The following DRC11 variants were observed in gnomAD, a reference collection of about 807,000 sequenced individuals.
The protein encoded by DRC11 is dynein regulatory complex subunit 11.
the DRC11 span, among the ~76,000 whole-genome samples, chr2:236,454,292 G>C: frequency 6.6e-6 from 1 of 152,174 alleles, no homozygotes; most frequent in Non-Finnish European, 1.5e-5. The surrounding 1 kb of genome is among the most constrained non-coding windows in gnomAD (Gnocchi z 5.3). Flanking sequence ...TTGATTTACT[G>C]TGACGACCGA....
the DRC11 span, among the ~76,000 whole-genome samples, chr2:236,389,522 C>G: frequency 2.6e-5 from 4 of 152,194 alleles, no homozygotes; most frequent in African/African-American, 4.8e-5. Flanking sequence ...TGCTTCGGCT[C>G]GCGACCGGTG....
At chr2:236,313,736 C>T in the DRC11 span, among the ~76,000 whole-genome samples, 2,574 of 152,198 alleles carry the variant, frequency 0.017, 123 homozygotes, top group East Asian at 0.18. This position sits in a 1 kb window ranked among gnomAD's most constrained non-coding sequence, Gnocchi z 4.5. Flanking sequence ...AATAAAAAGC[C>T]GTGAACCTTT....
At chr2:236,355,107 G>C in the DRC11 span, among the ~76,000 whole-genome samples, 1 of 152,224 alleles carries the variant, frequency 6.6e-6, no homozygotes, top group Non-Finnish European at 1.5e-5. Flanking sequence ...TGTCTGGTTT[G>C]ACGTGGCCTC....
chr2:236,491,354 G>A, the DRC11 span, among the ~76,000 whole-genome samples: 1 of 149,204 alleles, frequency 6.7e-6, no homozygotes, highest in Non-Finnish European at 1.5e-5. Flanking sequence ...GGAAGTCCTT[G>A]TGGTTTTCTG....
the DRC11 span, among the ~76,000 whole-genome samples, chr2:236,410,583 G>A: frequency 2.7e-5 from 4 of 150,198 alleles, no homozygotes; most frequent in Non-Finnish European, 5.9e-5. Flanking sequence ...AGCCCGCATC[G>A]CCAAGTCAAT....
At chr2:236,321,370 C>T in the DRC11 span, among the ~76,000 whole-genome samples, 1 of 152,104 alleles carries the variant, frequency 6.6e-6, no homozygotes, top group Non-Finnish European at 1.5e-5. Flanking sequence ...ATTCAATTTA[C>T]AGAATTAAGC....
the DRC11 span, among the ~76,000 whole-genome samples, chr2:236,490,574 C>A: frequency 1.3e-5 from 2 of 152,156 alleles, no homozygotes; most frequent in African/African-American, 4.8e-5. This position sits in a 1 kb window ranked among gnomAD's most constrained non-coding sequence, Gnocchi z 5.5. Flanking sequence ...CAGTACCCAG[C>A]AAACATGAGT....
chr2:236,327,075 C>G, the DRC11 span, among the ~76,000 whole-genome samples: 1 of 152,084 alleles, frequency 6.6e-6, no homozygotes, highest in African/African-American at 2.4e-5. Flanking sequence ...TCTCCTTATT[C>G]TTTCCTCCAT....
the DRC11 span, among the ~76,000 whole-genome samples, chr2:236,378,475 C>T: frequency 6.6e-6 from 1 of 151,912 alleles, no homozygotes; most frequent in African/African-American, 2.4e-5. Context: ...GGAGTTCAAG[C>T]CAGGCTGGCC....
the DRC11 span, among the ~76,000 whole-genome samples, chr2:236,474,128 C>T: frequency 6.6e-6 from 1 of 151,946 alleles, no homozygotes; most frequent in Non-Finnish European, 1.5e-5. Context: ...GAACAGAAGA[C>T]AACATTCTTT....
At chr2:236,433,008 C>T in the DRC11 span, among the ~76,000 whole-genome samples, 1 of 151,964 alleles carries the variant, frequency 6.6e-6, no homozygotes, top group African/African-American at 2.4e-5. Context: ...CTTCTTATAC[C>T]ATTTATTTCC....
At chr2:236,344,582 T>C in the DRC11 span, 5 of 1,613,712 alleles carry the variant, frequency 3.1e-6, no homozygotes, top group Admixed American at 3.3e-5. Flanking sequence ...GGGAACTTTT[T>C]TGTAGAAGGT....
At chr2:236,501,970 C>T in the DRC11 span, among the ~76,000 whole-genome samples, 1 of 152,148 alleles carries the variant, frequency 6.6e-6, no homozygotes, top group African/African-American at 2.4e-5. Flanking sequence ...CAGACAGCAA[C>T]AGTCCAGCAA....
the DRC11 span, among the ~76,000 whole-genome samples, chr2:236,326,401 T>G: frequency 2.0e-5 from 3 of 152,196 alleles, no homozygotes; most frequent in African/African-American, 7.2e-5. Flanking sequence ...TACCTTCTTG[T>G]TTTTTTGTGC....
the DRC11 span, among the ~76,000 whole-genome samples, chr2:236,335,745 T>G: frequency 6.6e-6 from 1 of 151,992 alleles, no homozygotes; most frequent in Non-Finnish European, 1.5e-5. The surrounding 1 kb of genome is among the most constrained non-coding windows in gnomAD (Gnocchi z 5.6). Flanking sequence ...GCTTAAAATA[T>G]AGATACCATA....
the DRC11 span, among the ~76,000 whole-genome samples, chr2:236,425,335 T>C: frequency 6.6e-6 from 1 of 152,054 alleles, no homozygotes; most frequent in African/African-American, 2.4e-5. Flanking sequence ...TCTTTTGTCT[T>C]TTTGATAACA....
chr2:236,354,137 C>T, the DRC11 span, among the ~76,000 whole-genome samples: 1 of 151,868 alleles, frequency 6.6e-6, no homozygotes, highest in African/African-American at 2.4e-5. Context: ...CAGGGGCTCA[C>T]AGGAAAGACT....
the DRC11 span, among the ~76,000 whole-genome samples, chr2:236,459,975 C>T: frequency 3.9e-5 from 6 of 152,122 alleles, 1 homozygote; most frequent in South Asian, 1.2e-3. Flanking sequence ...ATATTAAGTG[C>T]AACTTTTAAG....
the DRC11 span, among the ~76,000 whole-genome samples, chr2:236,443,237 G>A: frequency 6.6e-6 from 1 of 152,168 alleles, no homozygotes; most frequent in East Asian, 1.9e-4. This position sits in a 1 kb window ranked among gnomAD's most constrained non-coding sequence, Gnocchi z 4.4. Flanking sequence ...TTGTTACGTA[G>A]GTAGATGTGT....
Sources: gnomAD v4.1 joint callset for allele counts (sites outside exome capture counted in the v4.1 genomes callset) on GRCh38, gnomAD v4.1.1 for gene constraint, Gnocchi (gnomAD v3.1) non-coding constraint, MANE v1.5 for transcripts, NCBI Gene and HGNC (gene_info 2026-07-23, HGNC 2026-07-21) for gene names.